GRM7: variants seen among roughly 807,000 people sequenced by gnomAD.
GRM7 encodes the protein glutamate metabotropic receptor 7.
Under a neutral mutation model 84.5 loss-of-function variants are expected in GRM7, and 35 were observed. That is an observed-to-expected ratio of 0.41 (90% CI 0.32 to 0.55). GRM7 has a LOEUF of 0.55. GRM7 is among the 20% of genes least tolerant of loss of function. The probability of loss-of-function intolerance (pLI) is 0.19; values close to 1 mark genes in which losing one functional copy is unlikely to be tolerated. For missense variants in GRM7, 1,003 were observed against 1,194.6 expected (o/e 0.84, Z 2.36); for synonymous variants, 487 against 455.1 (o/e 1.07, Z -0.89).
chr3:7,590,271 C>T (rs916446483), intron 8 of GRM7, among the ~76,000 whole-genome samples: 1 of 152,132 alleles, frequency 6.6e-6, no homozygotes, highest in Non-Finnish European at 1.5e-5. Flanking sequence ...ACAATTACGA[C>T]AGTATTCAGA....
At position 7,698,812 on chromosome 3, in the gene GRM7, C is replaced by A. The variant is rs9869297; in HGVS notation, c.2698+18517C>A. Among the ~76,000 whole-genome samples the A allele has an allele frequency of 2.3e-3, 343 of 152,320 alleles. 3 individuals are homozygous for A. The highest frequency in any genetic ancestry group is 7.9e-3 in the African/African-American group (330 of 41,582). Reference sequence around the variant, plus strand: ...TCAGTTAAGTACCCCCGGGCTACTACATGATGGGTAAGCCTGGAGAAGAGC... The same window carrying A: ...TCAGTTAAGTACCCCCGGGCTACTAAATGATGGGTAAGCCTGGAGAAGAGC... On this transcript the variant is annotated intron_variant, in intron 9 of 9. Transcript: ENST00000357716.
chr3:7,692,505 G>A (rs1358173915), intron 9 of GRM7, among the ~76,000 whole-genome samples: 1 of 152,062 alleles, frequency 6.6e-6, no homozygotes, highest in Non-Finnish European at 1.5e-5. Context: ...TATTAAATAT[G>A]GGACCACCCT....
intron 7 of GRM7, among the ~76,000 whole-genome samples, chr3:7,502,256 T>C (rs1290857035): frequency 2.0e-5 from 3 of 152,218 alleles, no homozygotes; most frequent in African/African-American, 7.2e-5. Context: ...TAAAAGGAAT[T>C]GTGTCCAGTT....
chr3:6,868,975 C>T (rs1230086342), intron 1 of GRM7, among the ~76,000 whole-genome samples: 3 of 152,102 alleles, frequency 2.0e-5, no homozygotes, highest in African/African-American at 7.2e-5. Flanking sequence ...GCAAGAAAGT[C>T]ACTTAAAGGG....
At position 7,586,290 on chromosome 3, in the gene GRM7, C is replaced by T. The variant is rs1394729294; in HGVS notation, c.2451+6933C>T. Among the ~76,000 whole-genome samples the T allele has an allele frequency of 2.0e-5, 3 of 152,046 alleles. No homozygotes were observed. The East Asian group carries it at 5.8e-4, about 29-fold the overall frequency. ...CTTGGCAGGTATTTTAAAAATTAAACATATACCTAGCATACTGCTCCAGCC... is the reference window on the plus strand; with the variant it reads ...CTTGGCAGGTATTTTAAAAATTAAATATATACCTAGCATACTGCTCCAGCC... On this transcript the variant is annotated intron_variant, in intron 8 of 9. Coordinates refer to ENST00000357716, the MANE Select transcript of GRM7 (RefSeq NM_000844.4).
At chr3:7,246,417 A>G (rs1052287730) in intron 2 of GRM7, among the ~76,000 whole-genome samples, 7 of 152,098 alleles carry the variant, frequency 4.6e-5, no homozygotes, top group Admixed American at 2.6e-4. Context: ...TACAAGAGAG[A>G]TTGGCTCCTG....
At chr3:7,340,343 G>T (rs565949861) in intron 4 of GRM7, among the ~76,000 whole-genome samples, 2 of 152,158 alleles carry the variant, frequency 1.3e-5, no homozygotes, top group Non-Finnish European at 2.9e-5. Flanking sequence ...GGCCAGTGAG[G>T]CCTTAGGAAA....
At chr3:7,520,974 C>T (rs897157793) in intron 7 of GRM7, among the ~76,000 whole-genome samples, 7 of 152,172 alleles carry the variant, frequency 4.6e-5, no homozygotes, top group African/African-American at 1.7e-4. Flanking sequence ...TTGACGCCTA[C>T]TATACCTTCC....
intron 7 of GRM7, among the ~76,000 whole-genome samples, chr3:7,568,006 G>A (rs1259506064): frequency 2.0e-5 from 3 of 152,066 alleles, no homozygotes; most frequent in African/African-American, 7.2e-5. Flanking sequence ...GTTACCTTTA[G>A]TTTATATAGG....
chr3:6,879,950 A>G (rs1304505721), intron 1 of GRM7, among the ~76,000 whole-genome samples: 3 of 152,196 alleles, frequency 2.0e-5, no homozygotes, highest in African/African-American at 7.2e-5. Context: ...CAAGACGGCT[A>G]CTGAATCTGC....
intron 2 of GRM7, among the ~76,000 whole-genome samples, chr3:7,204,808 C>T (rs972076761): frequency 2.6e-5 from 4 of 152,180 alleles, no homozygotes; most frequent in African/African-American, 7.2e-5. Context: ...TGCCTCCTTG[C>T]ATGTGTGATT....
intron 1 of GRM7, among the ~76,000 whole-genome samples, chr3:7,024,488 G>A (rs562711200): frequency 2.6e-4 from 39 of 152,358 alleles, no homozygotes; most frequent in African/African-American, 8.9e-4. Context: ...CATAGTAGGA[G>A]GTGGTGTTTG....
intron 4 of GRM7, among the ~76,000 whole-genome samples, chr3:7,309,796 T>A (rs1187448961): frequency 6.6e-6 from 1 of 152,142 alleles, no homozygotes; most frequent in Non-Finnish European, 1.5e-5. Context: ...TTCGATTTAA[T>A]GATGAAAGGA....
chr3:7,674,196 C>CTT (rs544007872), intron 8 of GRM7, among the ~76,000 whole-genome samples: 1 of 144,498 alleles, frequency 6.9e-6, no homozygotes. Flanking sequence ...GAATTTTTTT[C>CTT]TTTTTTTTTT....
chr3:7,156,209 C>A (rs955218857), intron 2 of GRM7, among the ~76,000 whole-genome samples: 2 of 152,114 alleles, frequency 1.3e-5, no homozygotes, highest in African/African-American at 4.8e-5. Flanking sequence ...GTCTCGATCA[C>A]AGGATGCTAA....
At chr3:7,077,690 C>T (rs1574870686) in intron 1 of GRM7, among the ~76,000 whole-genome samples, 1 of 151,822 alleles carries the variant, frequency 6.6e-6, no homozygotes, top group African/African-American at 2.4e-5. Flanking sequence ...CCTGCACGTT[C>T]TGCACATGTA....
intron 2 of GRM7, among the ~76,000 whole-genome samples, chr3:7,294,289 TTTCCATCCAAAATTATACCCC>T (rs1699739064): frequency 2.6e-5 from 4 of 152,176 alleles, no homozygotes; most frequent in Non-Finnish European, 4.4e-5. Context: ...AGAAGCTGGG[TTTCCATCCAAAATTATACCCC>T]TTCTGTTGCT....
At chr3:6,901,515 T>C (rs1400013928) in intron 1 of GRM7, among the ~76,000 whole-genome samples, 2 of 144,248 alleles carry the variant, frequency 1.4e-5, no homozygotes, top group African/African-American at 5.1e-5. Flanking sequence ...GGAGAATCGC[T>C]GGAACCCGAT....
At chr3:6,938,534 C>A (rs956881254) in intron 1 of GRM7, among the ~76,000 whole-genome samples, 14 of 151,984 alleles carry the variant, frequency 9.2e-5, no homozygotes, top group African/African-American at 3.1e-4. Context: ...TGGATCACTG[C>A]GGTAGGCTTA....
Sources: gnomAD v4.1 joint callset for allele counts (sites outside exome capture counted in the v4.1 genomes callset) on GRCh38, gnomAD v4.1.1 for gene constraint, MANE v1.5 for transcripts, NCBI Gene and HGNC (gene_info 2026-07-23, HGNC 2026-07-21) for gene names.